The following TRIO variants were observed in gnomAD, a reference collection of about 807,000 sequenced individuals.
TRIO encodes the protein trio Rho guanine nucleotide exchange factor, also known as triple functional domain protein.
TRIO carries 58 observed loss-of-function variants against 351.9 expected under a neutral mutation model. The ratio of observed to expected loss-of-function variants is 0.16; its 90% confidence interval spans 0.13 to 0.21. The LOEUF (loss-of-function observed/expected upper bound fraction) is 0.21, where lower values mean the gene tolerates loss of function less well. Ranked by LOEUF, TRIO falls within the 10% of genes least tolerant of loss-of-function variation. TRIO has a pLI of 1.00. For missense variants in TRIO, 3,201 were observed against 4,027.8 expected, an observed-to-expected ratio of 0.79 and a Z score of 5.56; for synonymous variants, 1,758 against 1,595.7, an observed-to-expected ratio of 1.10 and a Z score of -2.42.
chr5:14,224,030 C>G (rs1479682489), intron 1 of TRIO, among the ~76,000 whole-genome samples: 1 of 152,086 alleles, frequency 6.6e-6, no homozygotes, highest in Non-Finnish European at 1.5e-5. Context: ...AAATGTTTTT[C>G]AAGCAGAGAT....
intron 12 of TRIO, 97 bp downstream of exon 12, chr5:14,358,444 C>A: frequency 6.9e-7 from 1 of 1,439,812 alleles, no homozygotes; most frequent in Non-Finnish European, 9.5e-7. Flanking sequence ...CTCTGCTTCT[C>A]TGTCCAGCTG....
At chr5:14,303,859 G>C (rs763736644) in intron 7 of TRIO, among the ~76,000 whole-genome samples, 1 of 152,172 alleles carries the variant, frequency 6.6e-6, no homozygotes, top group Non-Finnish European at 1.5e-5. Flanking sequence ...GAGAAGTTCA[G>C]GCCCCTTTTT....
intron 1 of TRIO, among the ~76,000 whole-genome samples, chr5:14,148,111 C>T (rs1167849874): frequency 1.3e-5 from 2 of 152,146 alleles, no homozygotes; most frequent in African/African-American, 4.8e-5. Context: ...TATTTTTTCC[C>T]TTTGCAATTT....
chr5:14,163,331 C>G (rs1167517024), intron 1 of TRIO, among the ~76,000 whole-genome samples: 1 of 152,172 alleles, frequency 6.6e-6, no homozygotes, highest in Admixed American at 6.5e-5. Context: ...TCATCCATGT[C>G]CCTGAAAAGG....
At chr5:14,305,988 C>G (rs1318070323) in intron 8 of TRIO, among the ~76,000 whole-genome samples, 2 of 152,208 alleles carry the variant, frequency 1.3e-5, no homozygotes, top group Non-Finnish European at 2.9e-5. Flanking sequence ...GGGCTGCTCC[C>G]TATAGCCTAG....
At chr5:14,490,152 A>G in intron 48 of TRIO, among the ~76,000 whole-genome samples, 1 of 135,552 alleles carries the variant, frequency 7.4e-6, no homozygotes, top group South Asian at 2.4e-4. Flanking sequence ...GCTGGCACGC[A>G]CCTATAGTCC....
chr5:14,225,401 G>A (rs940165179), intron 1 of TRIO, among the ~76,000 whole-genome samples: 7 of 152,182 alleles, frequency 4.6e-5, no homozygotes, highest in Non-Finnish European at 8.8e-5. Context: ...TCAGGTGTCT[G>A]GGTAGTTGGA....
chr5:14,320,297 GGTA>G (rs1739763971), intron 9 of TRIO, among the ~76,000 whole-genome samples: 1 of 152,132 alleles, frequency 6.6e-6, no homozygotes, highest in Admixed American at 6.5e-5. Context: ...TGTTCAGATG[GGTA>G]GTAGTAGTCC....
intron 54 of TRIO, 21 bp downstream of exon 54, chr5:14,502,678 C>A (rs576451052): frequency 6.2e-7 from 1 of 1,613,158 alleles, no homozygotes; most frequent in Non-Finnish European, 8.5e-7. Flanking sequence ...CAACCCAGAA[C>A]GCCTTCCGAA....
intron 38 of TRIO, among the ~76,000 whole-genome samples, chr5:14,471,894 G>A (rs1240844204): frequency 6.6e-6 from 1 of 151,850 alleles, no homozygotes; most frequent in African/African-American, 2.4e-5. Flanking sequence ...TGTTACAAAA[G>A]GTTTAAACTT....
intron 4 of TRIO, among the ~76,000 whole-genome samples, chr5:14,287,318 C>CAA (rs1736536127): frequency 6.6e-6 from 1 of 152,158 alleles, no homozygotes; most frequent in South Asian, 2.1e-4. Flanking sequence ...AGTTGTGAGG[C>CAA]CTTGGCAGAG....
chr5:14,266,803 G>A (rs1362112396), intron 1 of TRIO, among the ~76,000 whole-genome samples: 2 of 152,122 alleles, frequency 1.3e-5, no homozygotes, highest in Admixed American at 6.5e-5. Flanking sequence ...GTTTTCCTCA[G>A]TAGCATTCAA....
At chr5:14,236,796 C>T (rs952599155) in intron 1 of TRIO, among the ~76,000 whole-genome samples, 3 of 152,246 alleles carry the variant, frequency 2.0e-5, no homozygotes, top group Middle Eastern at 3.4e-3. Flanking sequence ...GTTGTGCAGC[C>T]ATCATCGCCA....
chr5:14,157,545 G>GTCTCTCTCTCTCTCCCTGTC (rs1788186356), intron 1 of TRIO, among the ~76,000 whole-genome samples: 5 of 115,676 alleles, frequency 4.3e-5, no homozygotes, highest in South Asian at 2.8e-4. Context: ...CTCTCTCCCT[G>GTCTCTCTCTCTCTCCCTGTC]TCTCTCTCTC....
chr5:14,291,255 AG>A (rs1325641420), intron 5 of TRIO, 27 bp downstream of exon 5: 1 of 1,598,914 alleles, frequency 6.3e-7, no homozygotes, highest in Admixed American at 1.7e-5. Context: ...CTAATGCCTC[AG>A]TGGACATGGG....
chr5:14,386,089 T>A (rs77587216), intron 21 of TRIO, among the ~76,000 whole-genome samples: 2 of 152,280 alleles, frequency 1.3e-5, no homozygotes, highest in East Asian at 3.9e-4. Context: ...AGGCCATACA[T>A]GCTATGGGAA....
intron 9 of TRIO, among the ~76,000 whole-genome samples, chr5:14,324,909 A>G (rs1740230482): frequency 6.6e-6 from 1 of 152,208 alleles, no homozygotes; most frequent in Non-Finnish European, 1.5e-5. Flanking sequence ...CTCAGTAAAG[A>G]CTATGTAAGT....
chr5:14,318,791 T>C (rs913937351), intron 9 of TRIO, among the ~76,000 whole-genome samples: 6 of 152,228 alleles, frequency 3.9e-5, no homozygotes, highest in Admixed American at 3.3e-4. Flanking sequence ...TTAAATCTAA[T>C]TGTTGAAAAA....
intron 1 of TRIO, among the ~76,000 whole-genome samples, chr5:14,260,094 C>T (rs1561262815): frequency 6.6e-6 from 1 of 152,160 alleles, no homozygotes; most frequent in Non-Finnish European, 1.5e-5. Context: ...ATGTTACTTA[C>T]GTTATTATTC....
Sources: allele counts gnomAD v4.1 joint callset (sites outside exome capture counted in the v4.1 genomes callset), GRCh38; gene constraint gnomAD v4.1.1; transcripts MANE v1.5; gene names NCBI Gene and HGNC (gene_info 2026-07-23, HGNC 2026-07-21).